The following DTWD2 variants were observed in gnomAD, a reference collection of about 807,000 sequenced individuals.
DTWD2 encodes DTW motif tRNA-uridine aminocarboxypropyltransferase 2, also known as tRNA-uridine aminocarboxypropyltransferase 2.
Under a neutral mutation model 31.8 loss-of-function variants are expected in DTWD2, and 39 were observed. The observed-to-expected ratio is 1.22, with a 90% CI of 0.95 to 1.60. The LOEUF (loss-of-function observed/expected upper bound fraction) is 1.60. DTWD2 is among the 40% of genes most tolerant of loss of function. The pLI, the probability that DTWD2 is intolerant of heterozygous loss-of-function variation, is 0.00. For missense variants in DTWD2, 515 were observed against 381.5 expected (o/e 1.35, Z -2.92); for synonymous variants, 180 against 142.8 (o/e 1.26, Z -1.86).
chr5:118,950,784 G>A (rs939817209), intron 1 of DTWD2, among the ~76,000 whole-genome samples: 3 of 152,214 alleles, frequency 2.0e-5, no homozygotes, highest in Non-Finnish European at 4.4e-5. Context: ...GCAGAGGCAA[G>A]TAATTGCAAC....
At chr5:118,886,826 G>A (rs1293209275) in intron 4 of DTWD2, among the ~76,000 whole-genome samples, 3 of 151,850 alleles carry the variant, frequency 2.0e-5, no homozygotes, top group African/African-American at 7.3e-5. Context: ...AGCTAGATGG[G>A]GATTTTTCAA....
chr5:118,980,458 C>T (rs1046193604), intron 1 of DTWD2, among the ~76,000 whole-genome samples: 1 of 152,218 alleles, frequency 6.6e-6, no homozygotes, highest in African/African-American at 2.4e-5. Context: ...GTCCATGAAA[C>T]TGTGACAGGC....
chr5:118,868,421 A>G (rs1752428007), intron 4 of DTWD2, among the ~76,000 whole-genome samples: 1 of 152,172 alleles, frequency 6.6e-6, no homozygotes, highest in South Asian at 2.1e-4. Flanking sequence ...AAATTATACA[A>G]CCTCAAATTT....
intron 4 of DTWD2, among the ~76,000 whole-genome samples, chr5:118,877,289 G>C (rs929165205): frequency 6.6e-6 from 1 of 152,016 alleles, no homozygotes; most frequent in African/African-American, 2.4e-5. Context: ...TGGCTAACAT[G>C]GTGAAACCCC....
Position 118,904,284 on chromosome 5 carries a change from G to A in DTWD2, c.597+24253C>T, listed in dbSNP as rs188475903. On this transcript the variant is annotated intron_variant, in intron 4 of 5. Coordinates refer to ENST00000510708, the MANE Select transcript of DTWD2 (RefSeq NM_173666.4). ...ACACCCACATGTTCAAAAAGTTAATGTTTTCAAAGATATTCACTAACATAT... is the reference window on the plus strand; with the variant it reads ...ACACCCACATGTTCAAAAAGTTAATATTTTCAAAGATATTCACTAACATAT... Among the ~76,000 whole-genome samples, 151 of 152,092 alleles carry A rather than the reference G, an allele frequency of 9.9e-4. 3 individuals are homozygous for A. The South Asian group carries it at 0.01, about 10-fold the overall frequency.
In DTWD2 at chr5:118,836,701, G is replaced by A. The variant is rs1751577620; in HGVS notation, c.*4216C>T. ...AGTATTAGGAAGTGGAACCTTTGGG[G>A]GATGATTAGGTCATAAGGGTCTCAG... On this transcript the variant is annotated 3_prime_UTR_variant, in exon 6 of 6. Coordinates refer to ENST00000510708, the MANE Select transcript of DTWD2 (RefSeq NM_173666.4). Among the ~76,000 whole-genome samples, 1 of 152,102 alleles carries A rather than the reference G, an allele frequency of 6.6e-6. No homozygotes were observed. Among genetic ancestry groups the A allele is most frequent in the Admixed American group, 6.6e-5 (1 of 15,264 alleles).
At chr5:118,919,348 C>T (rs576122967) in intron 4 of DTWD2, among the ~76,000 whole-genome samples, 2 of 152,284 alleles carry the variant, frequency 1.3e-5, no homozygotes, top group African/African-American at 2.4e-5. Context: ...GAGAAGAAAA[C>T]GGTCTCTAGG....
chr5:118,963,211 G>A (rs754847172), intron 1 of DTWD2, among the ~76,000 whole-genome samples: 3 of 152,216 alleles, frequency 2.0e-5, no homozygotes, highest in South Asian at 2.1e-4. Context: ...ACAAAGTGAG[G>A]AGTTAGAAGA....
chr5:118,903,599 C>G (rs1029643367), intron 4 of DTWD2, among the ~76,000 whole-genome samples: 2 of 151,960 alleles, frequency 1.3e-5, no homozygotes, highest in Non-Finnish European at 2.9e-5. Context: ...AAGGAGAATA[C>G]TAGGATCTCT....
intron 1 of DTWD2, among the ~76,000 whole-genome samples, chr5:118,956,019 T>C: frequency 6.6e-6 from 1 of 152,212 alleles, no homozygotes; most frequent in East Asian, 1.9e-4. Flanking sequence ...ATAACTATTA[T>C]AATGTCACTA....
intron 1 of DTWD2, among the ~76,000 whole-genome samples, chr5:118,972,776 A>G (rs1405253831): frequency 6.6e-6 from 1 of 152,232 alleles, no homozygotes; most frequent in Non-Finnish European, 1.5e-5. Context: ...CTTATCTGTC[A>G]TGATCAAGTT....
chr5:118,843,335 G>GAGGGAGGGAGGC (rs1371530903), intron 5 of DTWD2, among the ~76,000 whole-genome samples: 8 of 133,982 alleles, frequency 6.0e-5, no homozygotes, highest in Non-Finnish European at 1.3e-4. Context: ...GGAAGCGAGG[G>GAGGGAGGGAGGC]AGGGAGGGAG....
chr5:118,975,154 C>T (rs1009309672), intron 1 of DTWD2, among the ~76,000 whole-genome samples: 41 of 152,028 alleles, frequency 2.7e-4, no homozygotes, highest in Middle Eastern at 3.2e-3. Context: ...ATCACTTTCA[C>T]GTACACCAAT....
At chr5:118,924,445 A>T (rs1458149753) in intron 4 of DTWD2, among the ~76,000 whole-genome samples, 1 of 152,162 alleles carries the variant, frequency 6.6e-6, no homozygotes, top group African/African-American at 2.4e-5. Flanking sequence ...TTTGAGTCGA[A>T]ATTCTGTCAG....
intron 4 of DTWD2, among the ~76,000 whole-genome samples, chr5:118,895,672 G>C (rs1344068065): frequency 6.6e-6 from 1 of 152,118 alleles, no homozygotes; most frequent in East Asian, 1.9e-4. Flanking sequence ...ACATAGACCA[G>C]TGGAACAGAA....
chr5:118,865,680 T>C lies in DTWD2; in HGVS notation c.598-17462A>G, dbSNP rs571852498. ...AAAAATTATGCTCCCTATTTTGCCT[T>C]ACTTTAGCCTCATTTTTTAAAGCTA... On this transcript the variant is annotated intron_variant, in intron 4 of 5. Transcript: ENST00000510708. Among the ~76,000 whole-genome samples the C allele has an allele frequency of 2.6e-5, 4 of 152,314 alleles. No homozygotes were observed. The East Asian group carries it at 7.7e-4, about 29-fold the overall frequency.
intron 1 of DTWD2, among the ~76,000 whole-genome samples, chr5:118,950,440 A>G (rs1027831292): frequency 6.6e-6 from 1 of 152,168 alleles, no homozygotes; most frequent in East Asian, 1.9e-4. Context: ...GTGATGGTCC[A>G]GGAGGCTTTT....
intron 4 of DTWD2, among the ~76,000 whole-genome samples, chr5:118,895,953 C>T (rs1220239344): frequency 1.3e-5 from 2 of 152,140 alleles, no homozygotes; most frequent in Non-Finnish European, 2.9e-5. Flanking sequence ...ATAATTCATA[C>T]AAAACTATTT....
At chr5:118,864,886 T>C (rs1482751068) in intron 4 of DTWD2, among the ~76,000 whole-genome samples, 1 of 152,146 alleles carries the variant, frequency 6.6e-6, no homozygotes, top group Non-Finnish European at 1.5e-5. Context: ...TTTTAATTGC[T>C]AGGCTGCCAA....
Sources: gnomAD v4.1 joint callset for allele counts (sites outside exome capture counted in the v4.1 genomes callset) on GRCh38, gnomAD v4.1.1 for gene constraint, MANE v1.5 for transcripts, NCBI Gene and HGNC (gene_info 2026-07-23, HGNC 2026-07-21) for gene names.